Variants in GPC5 observed in about 807,000 individuals in gnomAD.
GPC5 encodes the protein glypican-5.
GPC5 carries 47 observed loss-of-function variants against 53.9 expected under a neutral mutation model. The ratio of observed to expected loss-of-function variants is 0.87; its 90% confidence interval spans 0.69 to 1.11. The LOEUF is 1.11. GPC5 is among the 50% of genes most tolerant of loss of function. GPC5 has a pLI of 0.00. For synonymous variants in GPC5, 286 were observed against 263.3 expected, an observed-to-expected ratio of 1.09 and a Z score of -0.84; for missense variants, 748 against 713.1, an observed-to-expected ratio of 1.05 and a Z score of -0.56.
chr13:92,678,159 C>A (rs1221806046), intron 7 of GPC5, among the ~76,000 whole-genome samples: 1 of 152,090 alleles, frequency 6.6e-6, no homozygotes. Context: ...ATATCCAACA[C>A]TTTTTAAGGA....
chr13:92,194,265 T>C (rs544254789), intron 7 of GPC5, among the ~76,000 whole-genome samples: 11 of 152,304 alleles, frequency 7.2e-5, no homozygotes, highest in African/African-American at 2.4e-4. Context: ...TCCTGTGTGC[T>C]TGGGATGCAA....
intron 4 of GPC5, among the ~76,000 whole-genome samples, chr13:91,730,009 A>G (rs1313233403): frequency 1.3e-5 from 2 of 152,190 alleles, no homozygotes. Flanking sequence ...TCTTGTCACC[A>G]ATCTTGCAAA....
intron 6 of GPC5, among the ~76,000 whole-genome samples, chr13:92,025,051 A>G (rs1174881877): frequency 6.6e-6 from 1 of 152,104 alleles, no homozygotes; most frequent in Non-Finnish European, 1.5e-5. Flanking sequence ...TTAGGAACTA[A>G]TCTCTACCCT....
intron 5 of GPC5, among the ~76,000 whole-genome samples, chr13:91,818,958 A>T (rs1479595528): frequency 6.6e-6 from 1 of 151,828 alleles, no homozygotes. Context: ...TGTAAAACAT[A>T]TATGTGGCAT....
chr13:91,712,271 A>T (rs1006166716), intron 3 of GPC5, among the ~76,000 whole-genome samples: 2 of 151,890 alleles, frequency 1.3e-5, no homozygotes, highest in Non-Finnish European at 2.9e-5. Flanking sequence ...AAGAGCATAC[A>T]TCAAAAGCAA....
chr13:91,547,554 T>G (rs764703145), intron 2 of GPC5, among the ~76,000 whole-genome samples: 1 of 152,102 alleles, frequency 6.6e-6, no homozygotes, highest in Non-Finnish European at 1.5e-5. Flanking sequence ...CACTAGTGAA[T>G]TTTACCAAAC....
chr13:92,533,966 C>G (rs1038770331), intron 7 of GPC5, among the ~76,000 whole-genome samples: 1 of 152,102 alleles, frequency 6.6e-6, no homozygotes, highest in Non-Finnish European at 1.5e-5. Context: ...GCCTTTTCCT[C>G]CAATACTACT....
At chr13:92,571,724 C>G (rs1297801469) in intron 7 of GPC5, among the ~76,000 whole-genome samples, 1 of 152,062 alleles carries the variant, frequency 6.6e-6, no homozygotes, top group East Asian at 1.9e-4. Context: ...ATGGCAAACT[C>G]ATTTGGAATA....
chr13:92,259,187 A>G (rs1483122478), intron 7 of GPC5, among the ~76,000 whole-genome samples: 1 of 152,164 alleles, frequency 6.6e-6, no homozygotes, highest in Non-Finnish European at 1.5e-5. Context: ...GGTAGGAACC[A>G]TTTACACTTG....
intron 7 of GPC5, among the ~76,000 whole-genome samples, chr13:92,602,239 T>C (rs55844511): frequency 0.45 from 43,786 of 97,316 alleles, 9,291 homozygotes; most frequent in East Asian, 0.71. Flanking sequence ...ATAACATATA[T>C]ATATATATAT....
chr13:91,509,471 G>C lies in GPC5; in HGVS notation c.325+60549G>C, dbSNP rs80285018. On this transcript the variant is annotated intron_variant, in intron 2 of 7. Transcript: ENST00000377067. ...ATTTGCATAGGCATTCTTATGAAAA[G>C]TTTTACTGTTTAAAAAGTCATGCTA... Among the ~76,000 whole-genome samples the C allele has an allele frequency of 8.1e-3, 1,211 of 149,262 alleles. 18 individuals carry two copies. Among genetic ancestry groups the C allele is most frequent in the African/African-American group, 0.025 (1,014 of 41,248 alleles).
chr13:91,572,134 C>T (rs1299180130), intron 2 of GPC5, among the ~76,000 whole-genome samples: 1 of 141,500 alleles, frequency 7.1e-6, no homozygotes, highest in Non-Finnish European at 1.5e-5. Flanking sequence ...TGTGTATATA[C>T]ACATATGTAT....
rs902382573 is a variant in GPC5 at position 91,536,095 on chromosome 13, C to T, written c.325+87173C>T. Among the ~76,000 whole-genome samples the T allele has an allele frequency of 2.6e-5, 4 of 152,068 alleles. No homozygotes were observed. The South Asian group carries it at 8.3e-4, about 32-fold the overall frequency. ...CATTTCTCTTTTTAAATATCTTCACCTTTTTATACTATTACCAAAAGGTGC... is the reference window on the plus strand; with the variant it reads ...CATTTCTCTTTTTAAATATCTTCACTTTTTTATACTATTACCAAAAGGTGC... On this transcript the variant is annotated intron_variant, in intron 2 of 7. Coordinates refer to ENST00000377067, the MANE Select transcript of GPC5 (RefSeq NM_004466.6).
intron 7 of GPC5, among the ~76,000 whole-genome samples, chr13:92,318,742 T>C (rs755796752): frequency 6.6e-6 from 1 of 152,148 alleles, no homozygotes; most frequent in African/African-American, 2.4e-5. Flanking sequence ...GCTTCTCATG[T>C]TTTCCTGTAG....
At chr13:92,068,807 T>C (rs544336234) in intron 6 of GPC5, among the ~76,000 whole-genome samples, 10 of 151,906 alleles carry the variant, frequency 6.6e-5, no homozygotes, top group Non-Finnish European at 1.3e-4. Context: ...TTGTACTTTT[T>C]AAAATTAAGG....
At chr13:92,466,846 G>A (rs1002863408) in intron 7 of GPC5, among the ~76,000 whole-genome samples, 1 of 152,062 alleles carries the variant, frequency 6.6e-6, no homozygotes, top group South Asian at 2.1e-4. Flanking sequence ...AACGTTGAGT[G>A]AATATCAAAC....
At chr13:92,135,748 G>A (rs2041779036) in intron 6 of GPC5, among the ~76,000 whole-genome samples, 1 of 152,100 alleles carries the variant, frequency 6.6e-6, no homozygotes. Flanking sequence ...CAAATTACTG[G>A]CACAACAGGA....
intron 5 of GPC5, among the ~76,000 whole-genome samples, chr13:91,802,307 G>T (rs908520642): frequency 6.6e-6 from 1 of 151,680 alleles, no homozygotes; most frequent in African/African-American, 2.4e-5. Flanking sequence ...CACAGTGAGT[G>T]TTACAGCTCT....
chr13:92,057,446 A>G (rs773992455), intron 6 of GPC5, among the ~76,000 whole-genome samples: 6 of 152,224 alleles, frequency 3.9e-5, no homozygotes, highest in Non-Finnish European at 8.8e-5. Flanking sequence ...TTGTTGTTTA[A>G]AACCCCTAAG....
Sources: allele counts gnomAD v4.1 joint callset (sites outside exome capture counted in the v4.1 genomes callset), GRCh38; gene constraint gnomAD v4.1.1; transcripts MANE v1.5; gene names NCBI Gene and HGNC (gene_info 2026-07-23, HGNC 2026-07-21).